The following TPRG1 variants were observed in gnomAD, a reference collection of about 807,000 sequenced individuals.
TPRG1 encodes tumor protein p63 regulated 1, also known as tumor protein p63-regulated gene 1 protein.
TPRG1 carries 29 observed loss-of-function variants against 29.3 expected under a neutral mutation model. That is an observed-to-expected ratio of 0.99 (90% CI 0.74 to 1.35). The LOEUF (loss-of-function observed/expected upper bound fraction) is 1.35, where lower values mean the gene tolerates loss of function less well. TPRG1 is among the 40% of genes most tolerant of loss of function. The pLI is 0.00. For missense variants in TPRG1, 327 were observed against 335.0 expected (o/e 0.98, Z 0.19); for synonymous variants, 130 against 116.8 (o/e 1.11, Z -0.73).
At chr3:189,083,169 A>G (rs1017582329) in intron 4 of TPRG1, among the ~76,000 whole-genome samples, 2 of 152,178 alleles carry the variant, frequency 1.3e-5, no homozygotes, top group Non-Finnish European at 2.9e-5. Context: ...GCTGGGGCCC[A>G]GGTGACCAAG....
Position 189,058,573 on chromosome 3 carries a change from G to A in TPRG1, c.-463+34627G>A, listed in dbSNP as rs572451612. On this transcript the variant is annotated intron_variant, in intron 4 of 10. Coordinates refer to the TPRG1 transcript ENST00000433971. ...GATCAAGGGATTCGGAAAAGTCAAG[G>A]CGCTGTTAGAATTAATATAGTCTCC... is the stretch of plus-strand genomic sequence containing the variant. Among the ~76,000 whole-genome samples the A allele has an allele frequency of 2.0e-5, 3 of 152,304 alleles. No homozygotes were observed. In the East Asian group the frequency reaches 5.8e-4, roughly 29 times the overall value.
intron 1 of TPRG1, among the ~76,000 whole-genome samples, chr3:189,114,385 C>T (rs923467827): frequency 2.6e-5 from 4 of 152,074 alleles, no homozygotes; most frequent in South Asian, 4.1e-4. Context: ...CGGGTTCAAG[C>T]GATTCTCCTG....
chr3:189,148,494 G>A (rs1002617380), intron 4 of TPRG1, among the ~76,000 whole-genome samples: 1 of 152,150 alleles, frequency 6.6e-6, no homozygotes, highest in Non-Finnish European at 1.5e-5. Flanking sequence ...GCCTCGCACT[G>A]TGGCAAAAAG....
At chr3:189,129,359 G>A (rs1722850900) in intron 2 of TPRG1, among the ~76,000 whole-genome samples, 2 of 152,122 alleles carry the variant, frequency 1.3e-5, no homozygotes, top group African/African-American at 4.8e-5. Context: ...TACCACAGCA[G>A]GGATGCGTCC....
intron 1 of TPRG1, among the ~76,000 whole-genome samples, chr3:189,186,498 C>T (rs1416130993): frequency 6.6e-6 from 1 of 152,102 alleles, no homozygotes. Context: ...CTCTTAAAGA[C>T]GCAATTTTCT....
chr3:189,107,782 C>T (rs1382117866), intron 1 of TPRG1, among the ~76,000 whole-genome samples: 2 of 152,100 alleles, frequency 1.3e-5, no homozygotes, highest in Non-Finnish European at 2.9e-5. Context: ...TAGCCTATCT[C>T]TCTGATTTAT....
intron 3 of TPRG1, among the ~76,000 whole-genome samples, chr3:189,221,707 G>T (rs1736961675): frequency 6.6e-6 from 1 of 152,168 alleles, no homozygotes; most frequent in South Asian, 2.1e-4. Flanking sequence ...CAGGCACAGG[G>T]TTGCCTCTTT....
intron 3 of TPRG1, among the ~76,000 whole-genome samples, chr3:189,236,740 C>T (rs1472581713): frequency 1.3e-5 from 2 of 152,042 alleles, no homozygotes; most frequent in African/African-American, 4.8e-5. Flanking sequence ...AATTAATGAC[C>T]TCATTCTTCT....
intron 1 of TPRG1, among the ~76,000 whole-genome samples, chr3:188,997,249 C>G (rs575751754): frequency 5.3e-5 from 8 of 151,922 alleles, no homozygotes; most frequent in African/African-American, 1.9e-4. Context: ...GCATTTTTTT[C>G]TTTAGCAAAC....
At chr3:189,085,223 G>C (rs1717853180) in intron 4 of TPRG1, among the ~76,000 whole-genome samples, 1 of 152,158 alleles carries the variant, frequency 6.6e-6, no homozygotes, top group Admixed American at 6.5e-5. Context: ...CTATAGGTGG[G>C]GTGAGGTGAA....
intron 4 of TPRG1, among the ~76,000 whole-genome samples, chr3:189,079,451 A>G (rs1269123007): frequency 6.6e-6 from 1 of 152,222 alleles, no homozygotes; most frequent in Non-Finnish European, 1.5e-5. Flanking sequence ...TGGCTTCTAT[A>G]TCCATATTTT....
intron 2 of TPRG1, among the ~76,000 whole-genome samples, chr3:189,213,811 A>G (rs972546445): frequency 2.6e-5 from 4 of 151,742 alleles, no homozygotes; most frequent in African/African-American, 9.7e-5. Flanking sequence ...TTTTTCTTTC[A>G]TTTGATAATA....
chr3:189,256,701 C>CAT (rs1260338038), intron 4 of TPRG1, among the ~76,000 whole-genome samples: 1 of 152,126 alleles, frequency 6.6e-6, no homozygotes, highest in Non-Finnish European at 1.5e-5. Context: ...GTATTGGGTG[C>CAT]ATATATATTT....
At chr3:189,130,875 C>A (rs889855215) in intron 2 of TPRG1, among the ~76,000 whole-genome samples, 1 of 152,096 alleles carries the variant, frequency 6.6e-6, no homozygotes, top group Non-Finnish European at 1.5e-5. Context: ...GAATGACCTG[C>A]GTTTTAGAGA....
At chr3:189,048,857 G>A (rs1217380311) in intron 4 of TPRG1, among the ~76,000 whole-genome samples, 2 of 152,144 alleles carry the variant, frequency 1.3e-5, no homozygotes, top group South Asian at 2.1e-4. Context: ...CCTCCCGTCC[G>A]CAACACACAC....
intron 3 of TPRG1, among the ~76,000 whole-genome samples, chr3:189,011,311 A>G (rs181568963): frequency 1.3e-5 from 2 of 152,300 alleles, no homozygotes; most frequent in Admixed American, 1.3e-4. Context: ...TGTCAATGGT[A>G]GTTTAATGAG....
At chr3:189,085,942 A>G (rs934472606) in intron 4 of TPRG1, among the ~76,000 whole-genome samples, 27 of 152,182 alleles carry the variant, frequency 1.8e-4, no homozygotes, top group African/African-American at 6.3e-4. Context: ...GACTAACAGG[A>G]TAGATGTATA....
intron 1 of TPRG1, among the ~76,000 whole-genome samples, chr3:189,173,617 ATTACT>A (rs1729119279): frequency 1.3e-5 from 2 of 151,942 alleles, no homozygotes; most frequent in South Asian, 2.1e-4. Context: ...CGTTTAATTG[ATTACT>A]TTATTCAAAA....
chr3:189,229,642 C>G (rs929676775), intron 3 of TPRG1, among the ~76,000 whole-genome samples: 1 of 152,174 alleles, frequency 6.6e-6, no homozygotes, highest in Admixed American at 6.5e-5. Flanking sequence ...AGGGCGCACA[C>G]CAGTCAGGAG....
Sources: gnomAD v4.1 joint callset for allele counts (sites outside exome capture counted in the v4.1 genomes callset) on GRCh38, gnomAD v4.1.1 for gene constraint, MANE v1.5 for transcripts, NCBI Gene and HGNC (gene_info 2026-07-23, HGNC 2026-07-21) for gene names.